MDFI: variants seen among roughly 807,000 people sequenced by gnomAD.
The protein encoded by MDFI is inhibitor of MyoD family a.
A neutral mutation model predicts 22.3 loss-of-function variants in MDFI; 16 were observed. That is an observed-to-expected ratio of 0.72 (90% CI 0.49 to 1.09). The LOEUF is 1.09. Ranked by LOEUF, MDFI falls within the 50% of genes least tolerant of loss-of-function variation. MDFI has a pLI of 0.00. For missense variants in MDFI, 314 were observed against 326.1 expected, an observed-to-expected ratio of 0.96 and a Z score of 0.29; for synonymous variants, 145 against 142.7, an observed-to-expected ratio of 1.02 and a Z score of -0.12.
At chr6:41,646,042 T>C in intron 2 of MDFI, 84 bp from the exon 3 acceptor site, 1 of 1,242,930 alleles carries the variant, frequency 8.0e-7, no homozygotes, top group Non-Finnish European at 1.1e-6. Flanking sequence ...TCAGTGGGCA[T>C]GCTGGGCTGT....
Position 41,653,887 on chromosome 6 carries a change from G to A in MDFI, c.*312G>A, listed in dbSNP as rs1056686. ...GGCAGGGCTGGGGTGGGGACCGCAGGGGGCAGCCAGGGCTGGGGAACACTG... is the reference window on the plus strand; with the variant it reads ...GGCAGGGCTGGGGTGGGGACCGCAGAGGGCAGCCAGGGCTGGGGAACACTG... On this transcript the variant is annotated 3_prime_UTR_variant, in exon 5 of 5. Transcript: ENST00000230321. This position sits in a 1 kb window ranked among gnomAD's most constrained non-coding sequence, Gnocchi z 4.2. 238,384 of 356,748 alleles carry A rather than the reference G, an allele frequency of 0.67. 83,850 individuals carry two copies. Among genetic ancestry groups the A allele is most frequent in the East Asian group, 0.93 (16,031 of 17,168 alleles). The allele number at this position is 356,748 out of a possible 1,614,324, so 22.1% of individuals were successfully genotyped here.
intron 2 of MDFI, among the ~76,000 whole-genome samples, chr6:41,640,138 C>T (rs1006802370): frequency 1.3e-5 from 2 of 152,182 alleles, no homozygotes; most frequent in South Asian, 2.1e-4. Context: ...CCCGGAGGGA[C>T]AGCTGGGGGC....
At chr6:41,646,546 G>T (rs1403797147) in intron 3 of MDFI, among the ~76,000 whole-genome samples, 1 of 152,136 alleles carries the variant, frequency 6.6e-6, no homozygotes, top group Non-Finnish European at 1.5e-5. Flanking sequence ...AATGGCTCAG[G>T]ACAGAGAGCA....
chr6:41,639,350 C>G (rs947628756), intron 2 of MDFI: 14 of 985,392 alleles, frequency 1.4e-5, no homozygotes, highest in Non-Finnish European at 1.7e-5. Flanking sequence ...TTCCTTCCCT[C>G]TCGTGCCGGC....
At position 41,653,281 on chromosome 6, in the gene MDFI, C is replaced by T; in HGVS notation, c.485-38C>T. On this transcript the variant is annotated intron_variant, in intron 4 of 4. Coordinates refer to ENST00000230321, the MANE Select transcript of MDFI (RefSeq NM_005586.4). The surrounding 1 kb of genome is among the most constrained non-coding windows in gnomAD (Gnocchi z 4.2). ...TATTTCACACACGCTCATCCCTCCCCTCTCTCACCCGTCCCCCTCTCCACC... is the reference window on the plus strand; with the variant it reads ...TATTTCACACACGCTCATCCCTCCCTTCTCTCACCCGTCCCCCTCTCCACC... 2 of 1,597,770 alleles carry T rather than the reference C, an allele frequency of 1.3e-6. No homozygotes were observed. The highest frequency in any genetic ancestry group is 1.7e-6 in the Non-Finnish European group (2 of 1,170,152).
intron 3 of MDFI, among the ~76,000 whole-genome samples, chr6:41,648,741 C>A (rs1035153717): frequency 6.6e-6 from 1 of 152,194 alleles, no homozygotes; most frequent in African/African-American, 2.4e-5. Flanking sequence ...CCCCACCATA[C>A]ACACCTCCCC....
chr6:41,650,585 T>TA (rs1228586198), intron 4 of MDFI, among the ~76,000 whole-genome samples: 4 of 151,010 alleles, frequency 2.6e-5, no homozygotes, highest in East Asian at 3.9e-4. Flanking sequence ...TTTTTTTTTT[T>TA]TTTTTTGAGA....
intron 2 of MDFI, among the ~76,000 whole-genome samples, chr6:41,643,087 G>A (rs562615922): frequency 6.6e-6 from 1 of 152,260 alleles, no homozygotes; most frequent in South Asian, 2.1e-4. Context: ...CAGGAAGCCT[G>A]GGAAATGACC....
chr6:41,643,199 G>A (rs1481570736), intron 2 of MDFI, among the ~76,000 whole-genome samples: 1 of 152,122 alleles, frequency 6.6e-6, no homozygotes, highest in Non-Finnish European at 1.5e-5. Flanking sequence ...TCACTCGGGG[G>A]TCTTGATTCC....
chr6:41,639,098 A>G (rs1033735667), intron 2 of MDFI: 2 of 463,816 alleles, frequency 4.3e-6, no homozygotes, highest in Admixed American at 6.5e-5. Context: ...ACACACACAC[A>G]AACACACACA....
chr6:41,653,257 A>T lies in MDFI; in HGVS notation c.485-62A>T. 6.4e-7 allele frequency: 1 copy of T among 1,561,886 alleles called. No individual in the cohort carries two copies. Among genetic ancestry groups the T allele is most frequent in the Non-Finnish European group, 8.7e-7 (1 of 1,147,556 alleles). On this transcript the variant is annotated intron_variant, in intron 4 of 4. Coordinates refer to ENST00000230321, the MANE Select transcript of MDFI (RefSeq NM_005586.4). The surrounding 1 kb of genome is among the most constrained non-coding windows in gnomAD (Gnocchi z 4.2). ...GCCGCAGGCCCCCACACCCCCGGCT[A>T]TTTCACACACGCTCATCCCTCCCCT... is the stretch of plus-strand genomic sequence containing the variant.
Position 41,646,317 on chromosome 6 carries a change from T to A in MDFI, c.259+9T>A. 12 of 1,415,348 alleles carry A rather than the reference T, an allele frequency of 8.5e-6. No individual in the cohort carries two copies. Among genetic ancestry groups the A allele is most frequent in the Non-Finnish European group, 1.1e-5 (12 of 1,079,350 alleles). 87.7% of individuals were successfully genotyped at this position (1,415,348 alleles called of 1,614,324 possible). A position where few individuals can be genotyped will look rare whatever the true frequency, so the allele number is the denominator to read the frequency against. On this transcript the variant is annotated intron_variant, in intron 3 of 4. Coordinates refer to ENST00000230321, the MANE Select transcript of MDFI (RefSeq NM_005586.4). Reference sequence around the variant, plus strand: ...CACAGAAGCTGTGACATGTGAGTCCTAGGGGGCCAGGAGGTTGGATGGCAA... The same window carrying A: ...CACAGAAGCTGTGACATGTGAGTCCAAGGGGGCCAGGAGGTTGGATGGCAA...
Position 41,653,326 on chromosome 6 carries a change from T to G in MDFI, c.492T>G (p.Cys164Trp), listed in dbSNP as rs1390017685. The G allele has an allele frequency of 6.2e-7, 1 of 1,611,434 alleles. No homozygotes were observed. The highest frequency in any genetic ancestry group is 1.3e-5 in the African/African-American group (1 of 74,890). Reference sequence around the variant, plus strand: ...TCCACCGCCACCCCGCAGACTGCTGTGTCCACTGCATCCTGTCCTGCCTGT... The same window carrying G: ...TCCACCGCCACCCCGCAGACTGCTGGGTCCACTGCATCCTGTCCTGCCTGT... ...QIPLQAQEDCCVHCILSCLFC... is the reference protein window; with the variant it reads ...QIPLQAQEDCWVHCILSCLFC... Residue 164 changes from cysteine (C) to tryptophan (W), a missense_variant, in exon 5 of 5, where the codon TGT becomes TGG. By Grantham distance (215) the Cys-to-Trp change is radical. Transcript: ENST00000230321. The surrounding 1 kb of genome is among the most constrained non-coding windows in gnomAD (Gnocchi z 4.2).
intron 2 of MDFI, among the ~76,000 whole-genome samples, chr6:41,641,841 T>G (rs910680932): frequency 6.6e-6 from 1 of 151,928 alleles, no homozygotes; most frequent in African/African-American, 2.4e-5. Flanking sequence ...CGGAAAGAGG[T>G]TCCCCCCTAC....
intron 3 of MDFI, among the ~76,000 whole-genome samples, chr6:41,648,075 C>T (rs1381791166): frequency 6.6e-6 from 1 of 151,022 alleles, no homozygotes; most frequent in African/African-American, 2.4e-5. Flanking sequence ...AAAGAAGCTG[C>T]TCCACCTAAA....
At chr6:41,652,354 C>T (rs1768301566) in intron 4 of MDFI, among the ~76,000 whole-genome samples, 3 of 152,222 alleles carry the variant, frequency 2.0e-5, no homozygotes. Flanking sequence ...GACCACACTA[C>T]AGGGGGCCTC....
chr6:41,645,295 G>T (rs1768005361), intron 2 of MDFI, among the ~76,000 whole-genome samples: 1 of 151,610 alleles, frequency 6.6e-6, no homozygotes. Flanking sequence ...TTTTCCCCCT[G>T]AGCCTAGGGG....
intron 2 of MDFI, among the ~76,000 whole-genome samples, chr6:41,641,283 C>T (rs561498129): frequency 2.0e-4 from 30 of 152,272 alleles, no homozygotes; most frequent in African/African-American, 6.0e-4. Context: ...GTTGAGAAGC[C>T]GGGATTTCAC....
In MDFI at chr6:41,649,239, C is replaced by T. The variant is rs1161351891; in HGVS notation, c.260-380C>T. 2.0e-5 allele frequency among the ~76,000 whole-genome samples: 3 copies of T among 152,250 alleles called. No homozygotes were observed. In the East Asian group the frequency reaches 5.8e-4, roughly 29 times the overall value. On this transcript the variant is annotated intron_variant, in intron 3 of 4. Coordinates refer to ENST00000230321, the MANE Select transcript of MDFI (RefSeq NM_005586.4). ...TTCTTCACTGCTGCGCTCCCAACCCCAGCCAAACCACCCCTCTTCCCCAGC... is the reference window on the plus strand; with the variant it reads ...TTCTTCACTGCTGCGCTCCCAACCCTAGCCAAACCACCCCTCTTCCCCAGC...
Sources: gnomAD v4.1 joint callset for allele counts (sites outside exome capture counted in the v4.1 genomes callset) on GRCh38, gnomAD v4.1.1 for gene constraint, Gnocchi (gnomAD v3.1) non-coding constraint, MANE v1.5 for transcripts, NCBI Gene and HGNC (gene_info 2026-07-23, HGNC 2026-07-21) for gene names.